The following DOCK2 variants were observed in gnomAD, a reference collection of about 807,000 sequenced individuals.
DOCK2 encodes the protein dedicator of cytokinesis protein 2.
In DOCK2, 87 loss-of-function variants were observed where a neutral mutation model predicts 248.9. The ratio of observed to expected loss-of-function variants is 0.35; its 90% confidence interval spans 0.29 to 0.42. The LOEUF is 0.42. DOCK2 is among the 10% of genes least tolerant of loss of function. The pLI is 1.00. For missense variants in DOCK2, 1,747 were observed against 2,300.2 expected (o/e 0.76, Z 4.92); for synonymous variants, 805 against 821.6 (o/e 0.98, Z 0.35).
intron 27 of DOCK2, among the ~76,000 whole-genome samples, chr5:169,887,687 AT>A (rs1773049569): frequency 6.6e-6 from 1 of 152,240 alleles, no homozygotes; most frequent in African/African-American, 2.4e-5. Flanking sequence ...ATAAATAAAC[AT>A]TTTTATGTAA....
At position 169,708,180 on chromosome 5, in the gene DOCK2, C is replaced by T. The variant is rs746062577; in HGVS notation, c.1395C>T (p.Cys465=). The T allele has an allele frequency of 5.0e-6, 8 of 1,613,732 alleles. No individual in the cohort carries two copies. The highest frequency in any genetic ancestry group is 1.7e-5 in the Admixed American group (1 of 59,984). Residue 465 remains cysteine, a synonymous_variant, in exon 15 of 52, where the codon TGC becomes TGT. Transcript: ENST00000520908. ...TTTTCTTGGGTCAGAATGCAATTTG[C>T]GTGGGAGCAGGGGACAAGCCCATGA... is the stretch of plus-strand genomic sequence containing the variant. ...EDGKTLPNAI[C]VGAGDKPMNE... is the part of the protein sequence containing the mutation.
chr5:169,841,849 G>A (rs1013222443), intron 27 of DOCK2, among the ~76,000 whole-genome samples: 6 of 152,158 alleles, frequency 3.9e-5, no homozygotes, highest in Non-Finnish European at 7.4e-5. Flanking sequence ...TGAGCTCCAG[G>A]AAAGTAAGCA....
At chr5:169,851,460 G>A (rs1194071581) in intron 27 of DOCK2, among the ~76,000 whole-genome samples, 3 of 152,160 alleles carry the variant, frequency 2.0e-5, no homozygotes, top group Non-Finnish European at 4.4e-5. Flanking sequence ...GATAGCTACT[G>A]CATTCTCCCT....
intron 27 of DOCK2, among the ~76,000 whole-genome samples, chr5:169,885,163 T>A (rs1475085111): frequency 6.6e-6 from 1 of 152,214 alleles, no homozygotes; most frequent in East Asian, 1.9e-4. Flanking sequence ...CCATTGTACA[T>A]CCTCGTCACA....
intron 25 of DOCK2, among the ~76,000 whole-genome samples, chr5:169,765,752 G>A (rs1201716585): frequency 6.6e-6 from 1 of 152,196 alleles, no homozygotes; most frequent in Non-Finnish European, 1.5e-5. Flanking sequence ...ACACCTGACA[G>A]AGATTTGGAA....
intron 27 of DOCK2, among the ~76,000 whole-genome samples, chr5:169,945,244 T>C (rs1279386227): frequency 1.3e-5 from 2 of 152,250 alleles, no homozygotes; most frequent in Non-Finnish European, 1.5e-5. Flanking sequence ...GACTGTGTTA[T>C]CATTCATACA....
chr5:170,073,844 C>T (rs1398989039), intron 46 of DOCK2, among the ~76,000 whole-genome samples: 2 of 151,962 alleles, frequency 1.3e-5, no homozygotes, highest in Non-Finnish European at 2.9e-5. Flanking sequence ...CTTGATTAGT[C>T]TTCTTAGGAG....
chr5:169,841,483 C>G (rs1278269338), intron 27 of DOCK2: 2 of 983,112 alleles, frequency 2.0e-6, no homozygotes, highest in East Asian at 1.1e-4. Flanking sequence ...GGGCCAGTCA[C>G]CAACATAAAT....
intron 22 of DOCK2, among the ~76,000 whole-genome samples, chr5:169,735,274 T>G (rs1045681078): frequency 1.3e-5 from 2 of 152,182 alleles, no homozygotes; most frequent in African/African-American, 4.8e-5. Context: ...TTGACCTGAC[T>G]TCCCTAGGTG....
intron 27 of DOCK2, among the ~76,000 whole-genome samples, chr5:169,973,643 A>G (rs1777606879): frequency 2.0e-5 from 3 of 152,196 alleles, no homozygotes; most frequent in African/African-American, 7.2e-5. Flanking sequence ...AGCTACATCT[A>G]TGAGAAACTA....
intron 48 of DOCK2, 42 bp from the exon 49 acceptor site, chr5:170,078,933 G>A (rs1421708072): frequency 6.2e-7 from 1 of 1,608,396 alleles, no homozygotes; most frequent in Non-Finnish European, 8.5e-7. Flanking sequence ...TTCTACTGAA[G>A]CTCTAACTGC....
chr5:169,835,276 T>C (rs1041995337), intron 26 of DOCK2, among the ~76,000 whole-genome samples: 94 of 151,026 alleles, frequency 6.2e-4, no homozygotes, highest in African/African-American at 2.2e-3. Context: ...TTTTTTTTTT[T>C]TTTGAGACTG....
chr5:170,082,051 G>A, intron 51 of DOCK2, 67 bp downstream of exon 51: 1 of 1,580,850 alleles, frequency 6.3e-7, no homozygotes, highest in Non-Finnish European at 8.6e-7. Context: ...GCAATGCAGA[G>A]AGAAGAAAAT....
chr5:169,699,984 G>C (rs1372660452), intron 12 of DOCK2, 30 bp from the exon 13 acceptor site: 1 of 1,611,962 alleles, frequency 6.2e-7, no homozygotes, highest in Non-Finnish European at 8.5e-7. Flanking sequence ...TGCAAAAGTG[G>C]GCTCTTCACG....
At chr5:169,955,683 C>T (rs1320468806) in intron 27 of DOCK2, among the ~76,000 whole-genome samples, 2 of 152,156 alleles carry the variant, frequency 1.3e-5, no homozygotes, top group Admixed American at 1.3e-4. Flanking sequence ...CCAGCCTAGC[C>T]ACTATATAGC....
intron 14 of DOCK2, among the ~76,000 whole-genome samples, chr5:169,705,450 G>A (rs1699735027): frequency 6.6e-6 from 1 of 152,122 alleles, no homozygotes; most frequent in Non-Finnish European, 1.5e-5. Context: ...CATGACCCCT[G>A]GGGCCAGACA....
At chr5:170,036,417 C>T in intron 35 of DOCK2, 98 bp from the exon 36 acceptor site, 2 of 1,263,322 alleles carry the variant, frequency 1.6e-6, no homozygotes, top group East Asian at 2.4e-5. Context: ...TACCCAGATA[C>T]TAGACAGCAA....
chr5:169,784,382 A>G (rs1415469421), intron 25 of DOCK2, among the ~76,000 whole-genome samples: 1 of 152,212 alleles, frequency 6.6e-6, no homozygotes, highest in African/African-American at 2.4e-5. Flanking sequence ...TCAGCCCAGG[A>G]AAGTGTGGTT....
At chr5:169,979,442 T>A (rs1166241985) in intron 27 of DOCK2, among the ~76,000 whole-genome samples, 1 of 152,206 alleles carries the variant, frequency 6.6e-6, no homozygotes, top group African/African-American at 2.4e-5. Context: ...AAGCAAAATG[T>A]TATTCCATGA....
Sources: allele counts gnomAD v4.1 joint callset (sites outside exome capture counted in the v4.1 genomes callset), GRCh38; gene constraint gnomAD v4.1.1; transcripts MANE v1.5; gene names NCBI Gene and HGNC (gene_info 2026-07-23, HGNC 2026-07-21).